USH2A: variants seen among roughly 807,000 people sequenced by gnomAD.
USH2A encodes Usher syndrome 2A (autosomal recessive, mild).
USH2A carries 443 observed loss-of-function variants against 538.9 expected under a neutral mutation model. That is an observed-to-expected ratio of 0.82 (90% CI 0.76 to 0.89). The LOEUF is 0.89. Ranked by LOEUF, USH2A falls within the 40% of genes least tolerant of loss-of-function variation. USH2A has a pLI of 0.00. For synonymous variants in USH2A, 2,413 were observed against 2,273.5 expected (o/e 1.06, Z -1.75); for missense variants, 6,633 against 6,324.8 (o/e 1.05, Z -1.65).
intron 2 of USH2A, among the ~76,000 whole-genome samples, chr1:216,419,554 C>T (rs1183488155): frequency 2.0e-5 from 3 of 152,024 alleles, no homozygotes; most frequent in Admixed American, 1.3e-4. Context: ...TGCTCAGGGT[C>T]GGTTGAGGGG....
chr1:215,992,867 A>G (rs1273837807), intron 35 of USH2A, among the ~76,000 whole-genome samples, 153 bp downstream of exon 35: 1 of 152,254 alleles, frequency 6.6e-6, no homozygotes, highest in East Asian at 1.9e-4. Flanking sequence ...AAAAACCACA[A>G]TCTCCCCAAC....
At chr1:215,997,155 A>G (rs1457267200) in intron 34 of USH2A, among the ~76,000 whole-genome samples, 2 of 152,164 alleles carry the variant, frequency 1.3e-5, no homozygotes, top group Admixed American at 6.5e-5. Flanking sequence ...TTACTGCTTA[A>G]CAGAGTTAAG....
At chr1:215,977,633 C>T (rs1667652883) in intron 35 of USH2A, among the ~76,000 whole-genome samples, 1 of 152,082 alleles carries the variant, frequency 6.6e-6, no homozygotes, top group Non-Finnish European at 1.5e-5. Context: ...TTGCCTCAGC[C>T]TCCCAAGTAG....
chr1:216,240,621 A>G (rs1312848044), intron 13 of USH2A, among the ~76,000 whole-genome samples: 3 of 152,146 alleles, frequency 2.0e-5, no homozygotes, highest in Admixed American at 6.5e-5. Context: ...AAGTTTTCAT[A>G]TAATAGTAAA....
intron 32 of USH2A, among the ~76,000 whole-genome samples, chr1:216,020,620 A>G (rs1668824032): frequency 6.6e-6 from 1 of 152,132 alleles, no homozygotes; most frequent in Non-Finnish European, 1.5e-5. Context: ...CCCCTAGACT[A>G]CTTCAAAATA....
At chr1:215,763,646 C>T (rs1661044840) in intron 56 of USH2A, among the ~76,000 whole-genome samples, 1 of 152,040 alleles carries the variant, frequency 6.6e-6, no homozygotes, top group Non-Finnish European at 1.5e-5. Context: ...GGATGTATGT[C>T]TTCCTGGAAG....
intron 15 of USH2A, among the ~76,000 whole-genome samples, chr1:216,216,941 G>A (rs2035353504): frequency 1.3e-5 from 2 of 151,978 alleles, no homozygotes; most frequent in South Asian, 4.2e-4. Context: ...AAATTTGGGG[G>A]ATGGAAGAAT....
rs776869483 is a variant in USH2A at position 215,934,709 on chromosome 1, C to G, written c.7207G>C (p.Val2403Leu). ...TGTACAGTATAGTTGGTAAAAGGAA[C>G]CAGCCCATCGATGAGCACCCAAAGG... ...TNLWVLIDGL[V>L]PFTNYTVQVN... The change falls in exon 38 of 72, where the codon GTT becomes CTT. Residue 2403 changes from valine to leucine, a missense_variant. Transcript: ENST00000307340. 1 of 1,612,834 alleles carries G rather than the reference C, an allele frequency of 6.2e-7. No homozygotes were observed. The highest frequency in any genetic ancestry group is 1.1e-5 in the South Asian group (1 of 91,060).
chr1:215,726,721 A>G (rs1281994995), intron 61 of USH2A, among the ~76,000 whole-genome samples: 3 of 152,006 alleles, frequency 2.0e-5, no homozygotes, highest in African/African-American at 7.3e-5. Context: ...TTTGTATTTC[A>G]CTCCCAAGAC....
intron 18 of USH2A, 50 bp downstream of exon 18, chr1:216,198,265 C>A: frequency 1.2e-6 from 2 of 1,612,160 alleles, no homozygotes; most frequent in Non-Finnish European, 1.7e-6. Flanking sequence ...TTTGAGGAAA[C>A]ATTTGCATTC....
intron 47 of USH2A, among the ~76,000 whole-genome samples, chr1:215,820,863 A>G (rs1662992746): frequency 6.6e-6 from 1 of 151,768 alleles, no homozygotes; most frequent in African/African-American, 2.4e-5. Context: ...TGCCTGACTT[A>G]TTTTACTTAA....
chr1:215,674,334 C>T lies in USH2A; in HGVS notation c.13577G>A (p.Arg4526Gln), dbSNP rs527644737. 3.7e-5 allele frequency: 60 copies of T among 1,613,842 alleles called. 1 individual carries two copies. The South Asian group carries it at 4.8e-4, about 13-fold the overall frequency. The change falls in exon 63 of 72, where the codon CGA (arginine) becomes CAA (glutamine). Residue 4526 changes from arginine to glutamine, a missense_variant. Coordinates refer to ENST00000307340, the MANE Select transcript of USH2A (RefSeq NM_206933.4). Reference protein sequence around the residue: ...GGILSPLVKDRTSPSAPSGME... With the variant: ...GGILSPLVKDQTSPSAPSGME... ...CCCTGAGGGTGCTGAGGGGCTGGTT[C>T]GATCTTTGACAAGAGGACTCAAAAT...
intron 30 of USH2A, among the ~76,000 whole-genome samples, chr1:216,063,369 T>C (rs1029726933): frequency 4.6e-5 from 7 of 152,222 alleles, no homozygotes; most frequent in Non-Finnish European, 8.8e-5. Context: ...CTTTGGTGAC[T>C]CTCAATTCAC....
At chr1:215,669,112 C>T (rs974146046) in intron 64 of USH2A, among the ~76,000 whole-genome samples, 1 of 152,098 alleles carries the variant, frequency 6.6e-6, no homozygotes, top group African/African-American at 2.4e-5. Flanking sequence ...CAGAATTTAA[C>T]CCAATGACAC....
intron 49 of USH2A, among the ~76,000 whole-genome samples, chr1:215,810,271 T>C (rs1056033035): frequency 1.3e-5 from 2 of 152,200 alleles, no homozygotes; most frequent in Admixed American, 6.5e-5. Flanking sequence ...TAAAGGCTTA[T>C]ATAATATCAA....
At chr1:215,944,762 C>T (rs947851767) in intron 37 of USH2A, among the ~76,000 whole-genome samples, 1 of 151,992 alleles carries the variant, frequency 6.6e-6, no homozygotes, top group Non-Finnish European at 1.5e-5. Flanking sequence ...ACTATTTTAA[C>T]TCCTTCTAAA....
At chr1:216,258,410 T>G (rs2036299442) in intron 11 of USH2A, among the ~76,000 whole-genome samples, 1 of 152,110 alleles carries the variant, frequency 6.6e-6, no homozygotes, top group South Asian at 2.1e-4. Context: ...TTTTAATAAT[T>G]GAAAGTTGTG....
At chr1:215,961,988 G>A (rs931783226) in intron 37 of USH2A, among the ~76,000 whole-genome samples, 2 of 151,846 alleles carry the variant, frequency 1.3e-5, no homozygotes, top group Non-Finnish European at 2.9e-5. Flanking sequence ...TTAAACCTCT[G>A]TAAAAATGTG....
chr1:215,691,348 C>G (rs1658601730), intron 61 of USH2A, among the ~76,000 whole-genome samples: 3 of 152,158 alleles, frequency 2.0e-5, no homozygotes, highest in Admixed American at 6.5e-5. Context: ...TCCTTTCTGA[C>G]ATTGTCTCCT....
Sources: allele counts gnomAD v4.1 joint callset (sites outside exome capture counted in the v4.1 genomes callset), GRCh38; gene constraint gnomAD v4.1.1; transcripts MANE v1.5; gene names NCBI Gene and HGNC (gene_info 2026-07-23, HGNC 2026-07-21).